HS6ST1: variants seen among roughly 807,000 people sequenced by gnomAD.
The protein encoded by HS6ST1 is heparan-sulfate 6-O-sulfotransferase 1.
Under a neutral mutation model 25.2 loss-of-function variants are expected in HS6ST1, and 3 were observed. That is an observed-to-expected ratio of 0.12 (90% CI 0.05 to 0.31). HS6ST1 has a LOEUF of 0.31. Ranked by LOEUF, HS6ST1 falls within the 10% of genes least tolerant of loss-of-function variation. The pLI is 1.00. For synonymous variants in HS6ST1, 204 were observed against 275.1 expected, an observed-to-expected ratio of 0.74 and a Z score of 2.56; for missense variants, 310 against 609.6, an observed-to-expected ratio of 0.51 and a Z score of 5.18.
chr2:128,315,381 C>A lies in HS6ST1; in HGVS notation c.527+2656G>T, dbSNP rs184654269. 4.6e-5 allele frequency among the ~76,000 whole-genome samples: 7 copies of A among 152,308 alleles called. No individual in the cohort carries two copies. In the East Asian group the frequency reaches 1.3e-3, roughly 29 times the overall value. On this transcript the variant is annotated intron_variant, in intron 1 of 1. Coordinates refer to ENST00000259241, the MANE Select transcript of HS6ST1 (RefSeq NM_004807.3). Reference sequence around the variant, plus strand: ...AAGAGCCCCACCTCTCTTACGCGCACCACAGGCCCACTGAGACCCTCCCAA... The same window carrying A: ...AAGAGCCCCACCTCTCTTACGCGCAACACAGGCCCACTGAGACCCTCCCAA...
intron 1 of HS6ST1, among the ~76,000 whole-genome samples, chr2:128,316,363 G>C (rs1273775557): frequency 6.6e-6 from 1 of 152,258 alleles, no homozygotes; most frequent in South Asian, 2.1e-4. Flanking sequence ...CTCTGGCAAA[G>C]GGGGTGACCC....
At chr2:128,293,940 C>A (rs1300750421) in intron 1 of HS6ST1, among the ~76,000 whole-genome samples, 1 of 152,160 alleles carries the variant, frequency 6.6e-6, no homozygotes, top group East Asian at 1.9e-4. Context: ...CATCCCAGGG[C>A]AATGGTTTCA....
At chr2:128,283,705 G>C (rs1693820206) in intron 1 of HS6ST1, among the ~76,000 whole-genome samples, 1 of 152,138 alleles carries the variant, frequency 6.6e-6, no homozygotes, top group South Asian at 2.1e-4. Flanking sequence ...GGCAGGGGTG[G>C]GCTTTGGCCA....
intron 1 of HS6ST1, among the ~76,000 whole-genome samples, chr2:128,275,446 G>A (rs1693679088): frequency 6.6e-6 from 1 of 152,230 alleles, no homozygotes; most frequent in African/African-American, 2.4e-5. Context: ...GAAGTATACT[G>A]AGAAAGCCAC....
intron 1 of HS6ST1, among the ~76,000 whole-genome samples, chr2:128,303,930 C>T (rs770733489): frequency 3.9e-5 from 6 of 152,176 alleles, no homozygotes; most frequent in Non-Finnish European, 5.9e-5. Context: ...TCCAATCTAC[C>T]GCACGCCTCA....
rs142841117 is a variant in HS6ST1, at chr2:128,293,514, G to A, written c.527+24523C>T. 5.9e-3 allele frequency among the ~76,000 whole-genome samples: 895 copies of A among 152,360 alleles called. 9 individuals are homozygous for A. Among genetic ancestry groups the A allele is most frequent in the African/African-American group, 0.021 (854 of 41,574 alleles). On this transcript the variant is annotated intron_variant, in intron 1 of 1. Coordinates refer to ENST00000259241, the MANE Select transcript of HS6ST1 (RefSeq NM_004807.3). ...CTGTTCCTCATACCCCAGGACGGGA[G>A]GGGACCTTCGAAGTTGGAAGGAGAG...
chr2:128,296,409 A>T (rs2104927800), intron 1 of HS6ST1, among the ~76,000 whole-genome samples: 1 of 152,372 alleles, frequency 6.6e-6, no homozygotes, highest in African/African-American at 2.4e-5. Flanking sequence ...TTGGAAAGAA[A>T]AAAGGAAAGT....
At chr2:128,277,078 C>G (rs1382836896) in intron 1 of HS6ST1, among the ~76,000 whole-genome samples, 1 of 152,160 alleles carries the variant, frequency 6.6e-6, no homozygotes, top group Non-Finnish European at 1.5e-5. Context: ...CTGCCCGGCC[C>G]AAGCATCCGG....
intron 1 of HS6ST1, among the ~76,000 whole-genome samples, chr2:128,289,009 A>AC (rs1015529330): frequency 4.0e-5 from 6 of 151,828 alleles, no homozygotes; most frequent in Admixed American, 1.3e-4. Flanking sequence ...TGCTCCCTCA[A>AC]CCCCCGAGTC....
intron 1 of HS6ST1, among the ~76,000 whole-genome samples, chr2:128,276,452 T>C (rs191145609): frequency 6.6e-6 from 1 of 151,924 alleles, no homozygotes; most frequent in Non-Finnish European, 1.5e-5. Context: ...TTTAAAAAAG[T>C]GATGAGCTGA....
intron 1 of HS6ST1, chr2:128,290,007 T>C (rs1693928539): frequency 6.6e-6 from 1 of 152,190 alleles, no homozygotes; most frequent in African/African-American, 2.4e-5. Flanking sequence ...TCTACTAAAA[T>C]GCAAAAGCAT....
chr2:128,275,667 A>G (rs963294698), intron 1 of HS6ST1, among the ~76,000 whole-genome samples: 5 of 152,266 alleles, frequency 3.3e-5, no homozygotes, highest in Non-Finnish European at 5.9e-5. Flanking sequence ...CACAGGCAAT[A>G]CCAGGAGAGC....
At chr2:128,295,705 G>T (rs751728033) in intron 1 of HS6ST1, among the ~76,000 whole-genome samples, 7 of 152,120 alleles carry the variant, frequency 4.6e-5, no homozygotes, top group Non-Finnish European at 8.8e-5. Context: ...AGAATGAAAG[G>T]ATGGTTCAAA....
At chr2:128,299,005 G>T (rs569115720) in intron 1 of HS6ST1, among the ~76,000 whole-genome samples, 4 of 152,308 alleles carry the variant, frequency 2.6e-5, no homozygotes, top group African/African-American at 7.2e-5. Flanking sequence ...GACTGTGTGG[G>T]GTACTCCTCG....
rs72967051 is a variant in HS6ST1 at position 128,281,414 on chromosome 2, C to A, written c.528-12544G>T. On this transcript the variant is annotated intron_variant, in intron 1 of 1. Coordinates refer to ENST00000259241, the MANE Select transcript of HS6ST1 (RefSeq NM_004807.3). ...GAAAGTCCCTGAGGAGGAAGACGCC[C>A]AGGAGATGATGTGCAGCCAGGTGTG... Among the ~76,000 whole-genome samples, 361 of 152,314 alleles carry A rather than the reference C, an allele frequency of 2.4e-3. 3 individuals carry two copies. Among genetic ancestry groups the A allele is most frequent in the African/African-American group, 7.6e-3 (315 of 41,574 alleles).
intron 1 of HS6ST1, among the ~76,000 whole-genome samples, chr2:128,270,008 G>GTGCC (rs1315679356): frequency 2.0e-5 from 3 of 152,224 alleles, no homozygotes; most frequent in Non-Finnish European, 4.4e-5. Context: ...GGGAGGCACA[G>GTGCC]TGCCTGGCAA....
rs1558866322 is a variant in HS6ST1, at chr2:128,268,487, A to C, written c.911T>G (p.Phe304Cys). The C allele has an allele frequency of 6.2e-7, 1 of 1,612,916 alleles. No individual in the cohort carries two copies. The highest frequency in any genetic ancestry group is 8.5e-7 in the Non-Finnish European group (1 of 1,179,638). The change falls in exon 2 of 2, where the codon TTC becomes TGC. Residue 304 changes from phenylalanine to cysteine, a missense_variant. Phe to Cys is a radical substitution (Grantham distance 205). Coordinates refer to ENST00000259241, the MANE Select transcript of HS6ST1 (RefSeq NM_004807.3). ...TEFQRKTQYL[F>C]ERTFNLKFIR... Reference sequence around the variant, plus strand: ...GAACTTGAGGTTGAACGTCCGCTCGAACAGGTACTGCGTCTTGCGCTGGAA... The same window carrying C: ...GAACTTGAGGTTGAACGTCCGCTCGCACAGGTACTGCGTCTTGCGCTGGAA...
intron 1 of HS6ST1, among the ~76,000 whole-genome samples, chr2:128,271,824 A>T (rs1693613664): frequency 6.6e-6 from 1 of 152,210 alleles, no homozygotes; most frequent in African/African-American, 2.4e-5. Flanking sequence ...CTCATTCCTC[A>T]GCCGCACACA....
Position 128,303,991 on chromosome 2 carries a change from G to A in HS6ST1, c.527+14046C>T, listed in dbSNP as rs566522495. On this transcript the variant is annotated intron_variant, in intron 1 of 1. Coordinates refer to ENST00000259241, the MANE Select transcript of HS6ST1 (RefSeq NM_004807.3). Reference sequence around the variant, plus strand: ...TGAATCTCCTCTCTCTTCTGGAGCTGGGACACTCATCTTCTTGCCCTTGGA... The same window carrying A: ...TGAATCTCCTCTCTCTTCTGGAGCTAGGACACTCATCTTCTTGCCCTTGGA... 5.3e-5 allele frequency among the ~76,000 whole-genome samples: 8 copies of A among 152,298 alleles called. No homozygotes were observed. In the South Asian group the frequency reaches 1.7e-3, roughly 32 times the overall value.
Sources: allele counts gnomAD v4.1 joint callset (sites outside exome capture counted in the v4.1 genomes callset), GRCh38; gene constraint gnomAD v4.1.1; transcripts MANE v1.5; gene names NCBI Gene and HGNC (gene_info 2026-07-23, HGNC 2026-07-21).